Variants in LIMCH1 observed in about 807,000 individuals in gnomAD.
The protein encoded by LIMCH1 is LIM and calponin homology domains-containing protein 1.
LIMCH1 carries 113 observed loss-of-function variants against 176.5 expected under a neutral mutation model. The observed-to-expected ratio is 0.64, with a 90% CI of 0.55 to 0.75. LIMCH1 has a LOEUF of 0.75. LIMCH1 is among the 30% of genes least tolerant of loss of function. The pLI is 0.00. For synonymous variants in LIMCH1, 619 were observed against 645.9 expected (o/e 0.96, Z 0.63); for missense variants, 1,674 against 1,814.9 (o/e 0.92, Z 1.41).
At chr4:41,418,763 C>G (rs2060166758) in intron 1 of LIMCH1, 1 of 152,100 alleles carries the variant, frequency 6.6e-6, no homozygotes, top group South Asian at 2.1e-4. Flanking sequence ...CCATGAAACT[C>G]TGTTAACTCA....
chr4:41,591,191 A>C (rs1287787642), intron 1 of LIMCH1, among the ~76,000 whole-genome samples: 2 of 151,942 alleles, frequency 1.3e-5, no homozygotes, highest in Admixed American at 6.6e-5. Context: ...GTCCGTATTA[A>C]AATTTCTTTC....
chr4:41,520,354 TC>T (rs1265548361), intron 2 of LIMCH1, among the ~76,000 whole-genome samples: 1 of 152,148 alleles, frequency 6.6e-6, no homozygotes, highest in African/African-American at 2.4e-5. Flanking sequence ...GGAACGCTTG[TC>T]CTCCAGTCTC....
intron 1 of LIMCH1, among the ~76,000 whole-genome samples, chr4:41,555,981 G>A (rs556272058): frequency 2.0e-5 from 3 of 152,188 alleles, no homozygotes; most frequent in African/African-American, 4.8e-5. Context: ...CTGGGCTCAG[G>A]GGGTCTGCCT....
At position 41,633,528 on chromosome 4, in the gene LIMCH1, T is replaced by G; in HGVS notation, c.1830-20T>G. ...TAGCAGTAAGTGGCCTTTGACTGGCTGGACTGAATGTTGCCCTAGGGTGTG... is the reference window on the plus strand; with the variant it reads ...TAGCAGTAAGTGGCCTTTGACTGGCGGGACTGAATGTTGCCCTAGGGTGTG... On this transcript the variant is annotated intron_variant, in intron 12 of 31. Transcript: ENST00000503057. 1 of 1,533,204 alleles carries G rather than the reference T, an allele frequency of 6.5e-7. No individual in the cohort carries two copies. The highest frequency in any genetic ancestry group is 8.7e-7 in the Non-Finnish European group (1 of 1,144,826). 95.0% of individuals were successfully genotyped at this position (1,533,204 alleles called of 1,614,324 possible). A position where few individuals can be genotyped will look rare whatever the true frequency, so the allele number is the denominator to read the frequency against.
chr4:41,516,947 C>T (rs2075642051), intron 2 of LIMCH1, among the ~76,000 whole-genome samples: 1 of 152,136 alleles, frequency 6.6e-6, no homozygotes, highest in African/African-American at 2.4e-5. Flanking sequence ...GAAAGGCCTC[C>T]TGCAGAGATA....
chr4:41,654,350 C>G (rs537858178), intron 18 of LIMCH1, among the ~76,000 whole-genome samples: 1 of 152,254 alleles, frequency 6.6e-6, no homozygotes, highest in Admixed American at 6.5e-5. Flanking sequence ...AACCGATACT[C>G]TATAGTGCAC....
chr4:41,385,697 GT>G (rs2056399854), intron 1 of LIMCH1: 1 of 152,188 alleles, frequency 6.6e-6, no homozygotes, highest in African/African-American at 2.4e-5. Context: ...TGCAGATTGT[GT>G]CTCTGGCTTC....
At chr4:41,673,766 C>G (rs2095128138) in intron 22 of LIMCH1, among the ~76,000 whole-genome samples, 1 of 152,182 alleles carries the variant, frequency 6.6e-6, no homozygotes, top group Non-Finnish European at 1.5e-5. Flanking sequence ...GGGGCTCTTC[C>G]TGCCTCCTGA....
chr4:41,360,026 G>GGGGT (rs1272581302), upstream of LIMCH1, among the ~76,000 whole-genome samples: 18 of 145,872 alleles, frequency 1.2e-4, no homozygotes, highest in Non-Finnish European at 2.0e-4. The surrounding 1 kb of genome is among the most constrained non-coding windows in gnomAD (Gnocchi z 4.5). Flanking sequence ...GGGTGTGTAG[G>GGGGT]GTGTGTGTGT....
rs991114096 is a variant in LIMCH1, at chr4:41,633,602, G to A, written c.1884G>A (p.Glu628=). Residue 628 remains glutamate (E), a synonymous_variant, in exon 13 of 32, where the codon GAG becomes GAA. Coordinates refer to ENST00000503057, the MANE Select transcript of LIMCH1 (RefSeq NM_001330672.2). ...CTTCAGGGACAGAAGAGAAGTTGGA[G>A]AAGATGACAGCTCCTGCCTGGAGTG... ...CEASGTEEKL[E]KMTAPAWSGS... is the part of the protein sequence containing the mutation. 12 of 1,536,068 alleles carry A rather than the reference G, an allele frequency of 7.8e-6. No homozygotes were observed. Among genetic ancestry groups the A allele is most frequent in the Non-Finnish European group, 9.6e-6 (11 of 1,146,944 alleles).
At chr4:41,510,541 G>A (rs1201638578) in intron 2 of LIMCH1, among the ~76,000 whole-genome samples, 5 of 152,064 alleles carry the variant, frequency 3.3e-5, no homozygotes, top group Non-Finnish European at 7.4e-5. Context: ...TTGGTTACTC[G>A]AAGGAGTGGA....
chr4:41,671,523 T>A lies in LIMCH1; in HGVS notation c.3398-31T>A, dbSNP rs138196103. On this transcript the variant is annotated intron_variant, in intron 21 of 31. Transcript: ENST00000503057. ...CAATTAGAAAATACTCACATTCATA[T>A]CTTTTTTTTCTTTCTTTTTTTTCTG... 1.3e-4 allele frequency: 206 copies of A among 1,582,446 alleles called. No individual in the cohort carries two copies. In the East Asian group the frequency reaches 4.1e-3, roughly 31 times the overall value.
chr4:41,392,966 G>A (rs1281659720), intron 1 of LIMCH1, among the ~76,000 whole-genome samples: 1 of 152,110 alleles, frequency 6.6e-6, no homozygotes, highest in African/African-American at 2.4e-5. Context: ...GGAGGCGGAG[G>A]TTGCAGTGAG....
intron 1 of LIMCH1, among the ~76,000 whole-genome samples, chr4:41,543,641 A>G (rs1583782350): frequency 6.6e-6 from 1 of 152,318 alleles, no homozygotes; most frequent in South Asian, 2.1e-4. Context: ...TGTTGTTACT[A>G]TCTTAATTCT....
intron 21 of LIMCH1, chr4:41,670,590 T>C: frequency 1.7e-6 from 1 of 600,640 alleles, no homozygotes; most frequent in South Asian, 2.3e-5. Flanking sequence ...GTACTGTAGA[T>C]TTACTGACTC....
Position 41,632,730 on chromosome 4 carries a change from G to C in LIMCH1, c.1602-19G>C, listed in dbSNP as rs2093389944. 1 of 1,526,926 alleles carries C rather than the reference G, an allele frequency of 6.5e-7. No homozygotes were observed. Among genetic ancestry groups the C allele is most frequent in the African/African-American group, 1.4e-5 (1 of 72,714 alleles). 94.6% of individuals were successfully genotyped at this position (1,526,926 alleles called of 1,614,324 possible). ...GTTCCTCTCCTCTCTTGCCACCAAT[G>C]CTACTTGATCGTCTGCAGAACAATG... On this transcript the variant is annotated intron_variant, in intron 10 of 31. Coordinates refer to ENST00000503057, the MANE Select transcript of LIMCH1 (RefSeq NM_001330672.2).
chr4:41,547,280 G>C (rs1027527436), intron 1 of LIMCH1, among the ~76,000 whole-genome samples: 3 of 152,068 alleles, frequency 2.0e-5, no homozygotes, highest in African/African-American at 7.2e-5. Context: ...AATTTCGTGT[G>C]CTTTGACTAA....
chr4:41,394,964 A>G (rs919843802), intron 1 of LIMCH1, among the ~76,000 whole-genome samples: 1 of 152,222 alleles, frequency 6.6e-6, no homozygotes, highest in Non-Finnish European at 1.5e-5. Flanking sequence ...TTCTTTGGCC[A>G]AAAGGACAAG....
At chr4:41,632,727 A>C in intron 10 of LIMCH1, 22 bp from the exon 11 acceptor site, 1 of 1,521,936 alleles carries the variant, frequency 6.6e-7, no homozygotes, top group Non-Finnish European at 8.8e-7. Flanking sequence ...TCTTGCCACC[A>C]ATGCTACTTG....
Sources: allele counts gnomAD v4.1 joint callset (sites outside exome capture counted in the v4.1 genomes callset), GRCh38; gene constraint gnomAD v4.1.1; non-coding constraint Gnocchi (gnomAD v3.1); transcripts MANE v1.5; gene names NCBI Gene and HGNC (gene_info 2026-07-23, HGNC 2026-07-21).